PTCD3: variants seen among roughly 807,000 people sequenced by gnomAD.
PTCD3 encodes pentatricopeptide repeat domain 3, also known as small ribosomal subunit protein mS39.
PTCD3 carries 89 observed loss-of-function variants against 101.9 expected under a neutral mutation model. That is an observed-to-expected ratio of 0.87 (90% CI 0.74 to 1.04). PTCD3 has a LOEUF of 1.04. Among genes scored for constraint, PTCD3 ranks in the 50% least tolerant of loss-of-function variants. The probability of loss-of-function intolerance (pLI) is 0.00; values close to 1 mark genes in which losing one functional copy is unlikely to be tolerated. For missense variants in PTCD3, 870 were observed against 828.2 expected (o/e 1.05, Z -0.62); for synonymous variants, 296 against 278.5 (o/e 1.06, Z -0.63).
At chr2:86,110,078 C>T (rs773201256) in intron 3 of PTCD3, among the ~76,000 whole-genome samples, 8 of 152,094 alleles carry the variant, frequency 5.3e-5, no homozygotes, top group Admixed American at 2.0e-4. Flanking sequence ...TTTAAAGTAA[C>T]CCTTTAAAGA....
intron 13 of PTCD3, 95 bp downstream of exon 13, chr2:86,127,400 C>T: frequency 5.1e-6 from 7 of 1,381,216 alleles, no homozygotes; most frequent in South Asian, 1.4e-5. Flanking sequence ...TATTCTTGTG[C>T]TTACATAATA....
At position 86,121,384 on chromosome 2, in the gene PTCD3, C is replaced by A. The variant is rs888552611; in HGVS notation, c.539-95C>A. 18 of 716,972 alleles carry A rather than the reference C, an allele frequency of 2.5e-5. No individual in the cohort carries two copies. In the South Asian group the frequency reaches 3.5e-4, roughly 14 times the overall value. The allele number at this position is 716,972 out of a possible 1,614,324, so 44.4% of individuals were successfully genotyped here. A position where few individuals can be genotyped will look rare whatever the true frequency, so the allele number is the denominator to read the frequency against. On this transcript the variant is annotated intron_variant, in intron 7 of 23. Transcript: ENST00000254630. Reference sequence around the variant, plus strand: ...ACATTAAGTGTGTAGCCCTGAAGACCACCGCTAATATAAAAAAATGACACA... The same window carrying A: ...ACATTAAGTGTGTAGCCCTGAAGACAACCGCTAATATAAAAAAATGACACA...
At chr2:86,135,093 T>A in intron 21 of PTCD3, 106 bp downstream of exon 21, 1 of 1,323,078 alleles carries the variant, frequency 7.6e-7, no homozygotes, top group Middle Eastern at 2.1e-4. Context: ...TAACACGTAT[T>A]TGATTCGGGA....
In PTCD3 at chr2:86,111,485, G is replaced by GCT. The variant is rs1674083131; in HGVS notation, c.240+327_240+328insCT. 2.0e-5 allele frequency among the ~76,000 whole-genome samples: 3 copies of GCT among 151,966 alleles called. No homozygotes were observed. In the South Asian group the frequency reaches 6.2e-4, roughly 31 times the overall value. On this transcript the variant is annotated intron_variant, in intron 4 of 23. Coordinates refer to ENST00000254630, the MANE Select transcript of PTCD3 (RefSeq NM_017952.6). ...CACCTGTAATCCCAGCTACTTGGGA[G>GCT]GCTGAGGCAGGAGAATGGCGTGAAC...
rs781080943 is a variant in PTCD3, at chr2:86,130,674, A to G, written c.1174A>G (p.Ile392Val). The G allele has an allele frequency of 2.5e-6, 4 of 1,613,368 alleles. No individual in the cohort carries two copies. In the Admixed American group the frequency reaches 6.7e-5, roughly 27 times the overall value. Reference protein sequence around the residue: ...PGDPLKRSSFIIYDIMNELMG... With the variant: ...PGDPLKRSSFVIYDIMNELMG... ...AGACCCTTTAAAGAGATCATCCTTC[A>G]TCATTTATGATATAATGAATGAATT... Residue 392 changes from isoleucine to valine, a missense_variant, in exon 15 of 24, where the codon ATC becomes GTC. Physicochemically the swap from Ile to Val is conservative, Grantham distance 29 (BLOSUM62 3). Transcript: ENST00000254630.
At position 86,127,083 on chromosome 2, in the gene PTCD3, C is replaced by A. The variant is rs145785853; in HGVS notation, c.952-78C>A. ...TAAACATAAGCAAGAAAGCTAAATTCTTTACTTTGTATGAAACATAGATTA... is the reference window on the plus strand; with the variant it reads ...TAAACATAAGCAAGAAAGCTAAATTATTTACTTTGTATGAAACATAGATTA... On this transcript the variant is annotated intron_variant, in intron 12 of 23. Transcript: ENST00000254630. The A allele has an allele frequency of 2.0e-5, 26 of 1,316,760 alleles. No individual in the cohort carries two copies. The East Asian group carries it at 4.3e-4, about 22-fold the overall frequency. 81.6% of individuals were successfully genotyped at this position (1,316,760 alleles called of 1,614,324 possible).
intron 7 of PTCD3, among the ~76,000 whole-genome samples, chr2:86,120,926 TAGC>T (rs1418652455): frequency 6.6e-6 from 1 of 152,198 alleles, no homozygotes; most frequent in Non-Finnish European, 1.5e-5. Flanking sequence ...TCTTATAAGA[TAGC>T]AGATTATATC....
At position 86,138,594 on chromosome 2, in the gene PTCD3, C is replaced by A. The variant is rs1481070139; in HGVS notation, c.*1035C>A. On this transcript the variant is annotated 3_prime_UTR_variant, in exon 24 of 24. Coordinates refer to ENST00000254630, the MANE Select transcript of PTCD3 (RefSeq NM_017952.6). Reference sequence around the variant, plus strand: ...GTCTGCCATCCTCTGAAGGCCGGGACCCAGTCATACATCCTTAGAAACCAA... The same window carrying A: ...GTCTGCCATCCTCTGAAGGCCGGGAACCAGTCATACATCCTTAGAAACCAA... The A allele has an allele frequency of 1.3e-5, 2 of 152,020 alleles. No individual in the cohort carries two copies. Among genetic ancestry groups the A allele is most frequent in the African/African-American group, 4.8e-5 (2 of 41,368 alleles). 9.4% of individuals were successfully genotyped at this position (152,020 alleles called of 1,614,324 possible). A position where few individuals can be genotyped will look rare whatever the true frequency, so the allele number is the denominator to read the frequency against.
At position 86,138,830 on chromosome 2, in the gene PTCD3, TC is replaced by T. The variant is rs1674639366; in HGVS notation, c.*1272del. 1 of 152,260 alleles carries T rather than the reference TC, an allele frequency of 6.6e-6. No individual in the cohort carries two copies. The highest frequency in any genetic ancestry group is 2.4e-5 in the African/African-American group (1 of 41,458). 9.4% of individuals were successfully genotyped at this position (152,260 alleles called of 1,614,324 possible). ...AGCCTTGGCCACCTGAAATGTTAAC[TC>T]GGTCCCTTCCTGTCTCTAGTTCATC... On this transcript the variant is annotated 3_prime_UTR_variant, in exon 24 of 24. Transcript: ENST00000254630.
At chr2:86,118,436 C>G (rs1422644608) in intron 6 of PTCD3, among the ~76,000 whole-genome samples, 1 of 152,204 alleles carries the variant, frequency 6.6e-6, no homozygotes, top group East Asian at 1.9e-4. Flanking sequence ...CCAAAGCTCA[C>G]AGGGAAACAC....
At chr2:86,134,187 A>G in intron 19 of PTCD3, 105 bp from the exon 20 acceptor site, 3 of 802,212 alleles carry the variant, frequency 3.7e-6, no homozygotes, top group South Asian at 3.5e-5. Flanking sequence ...CCTAGAATAA[A>G]TAACAGCAAC....
Position 86,121,484 on chromosome 2 carries a change from A to C in PTCD3, c.544A>C (p.Thr182Pro), listed in dbSNP as rs956600013. 6 of 1,594,966 alleles carry C rather than the reference A, an allele frequency of 3.8e-6. No homozygotes were observed. The highest frequency in any genetic ancestry group is 5.1e-6 in the Non-Finnish European group (6 of 1,169,820). The change falls in exon 8 of 24, where the codon ACT (threonine) becomes CCT (proline). Residue 182 changes from threonine to proline, a missense_variant. Physicochemically the swap from Thr to Pro is conservative, Grantham distance 38. Transcript: ENST00000254630. ...TTTCTGTCTCTTACCCACAGGAACC[A>C]CTGTGTCTCTTGAAACAACAAATAG... The part of the protein sequence containing the change: ...MFDQLLQAGT[T>P]VSLETTNSLL...
At chr2:86,122,809 G>A (rs1201556610) in intron 8 of PTCD3, among the ~76,000 whole-genome samples, 2 of 152,190 alleles carry the variant, frequency 1.3e-5, no homozygotes, top group African/African-American at 4.8e-5. Context: ...ACTTCCTGAA[G>A]CCCTGCTCTG....
At chr2:86,126,348 G>A (rs775891414) in intron 12 of PTCD3, among the ~76,000 whole-genome samples, 6 of 152,054 alleles carry the variant, frequency 3.9e-5, no homozygotes, top group Non-Finnish European at 8.8e-5. Context: ...GCAGCCCTGG[G>A]ACTCAGCTGT....
Position 86,138,605 on chromosome 2 carries a change from A to G in PTCD3, c.*1046A>G, listed in dbSNP as rs1037306456. 1 of 151,628 alleles carries G rather than the reference A, an allele frequency of 6.6e-6. No individual in the cohort carries two copies. The highest frequency in any genetic ancestry group is 1.5e-5 in the Non-Finnish European group (1 of 67,984). 9.4% of individuals were successfully genotyped at this position (151,628 alleles called of 1,614,324 possible). A position where few individuals can be genotyped will look rare whatever the true frequency, so the allele number is the denominator to read the frequency against. On this transcript the variant is annotated 3_prime_UTR_variant, in exon 24 of 24. Coordinates refer to ENST00000254630, the MANE Select transcript of PTCD3 (RefSeq NM_017952.6). ...TCTGAAGGCCGGGACCCAGTCATAC[A>G]TCCTTAGAAACCAAAGTATGGTTTT...
In PTCD3 at chr2:86,134,354, G is replaced by A; in HGVS notation, c.1606G>A (p.Ala536Thr). 3 of 1,613,196 alleles carry A rather than the reference G, an allele frequency of 1.9e-6. No homozygotes were observed. Among genetic ancestry groups the A allele is most frequent in the Non-Finnish European group, 2.5e-6 (3 of 1,179,210 alleles). The stretch of plus-strand genomic sequence containing the variant: ...GAGAGAAGAGATCCTGATGCTCATG[G>A]CAAGGGACAAGCACCCACCAGAGGT... ...DLREEILMLM[A>T]RDKHPPELQV... The change falls in exon 20 of 24, where the codon GCA (alanine) becomes ACA (threonine). Residue 536 changes from alanine to threonine, a missense_variant. By Grantham distance (58) the Ala-to-Thr change is moderately conservative (BLOSUM62 0). Coordinates refer to ENST00000254630, the MANE Select transcript of PTCD3 (RefSeq NM_017952.6).
At position 86,140,650 on chromosome 2, in the gene PTCD3, G is replaced by T. The variant is rs1397712295; in HGVS notation, c.*3091G>T. On this transcript the variant is annotated 3_prime_UTR_variant, in exon 24 of 24. Transcript: ENST00000254630. ...TTAGATTCAACATTAATGGTAGAGTGGCATTTTACCAAAAAAATGGGTGTA... is the reference window on the plus strand; with the variant it reads ...TTAGATTCAACATTAATGGTAGAGTTGCATTTTACCAAAAAAATGGGTGTA... 6.6e-6 allele frequency: 1 copy of T among 152,052 alleles called. No homozygotes were observed. Among genetic ancestry groups the T allele is most frequent in the East Asian group, 1.9e-4 (1 of 5,198 alleles). 9.4% of individuals were successfully genotyped at this position (152,052 alleles called of 1,614,324 possible).
intron 14 of PTCD3, among the ~76,000 whole-genome samples, chr2:86,129,210 C>G (rs150768807): frequency 6.6e-6 from 1 of 152,170 alleles, no homozygotes; most frequent in Non-Finnish European, 1.5e-5. Context: ...ATTTCTGACT[C>G]CAAAGTATAT....
At chr2:86,118,809 G>A (rs1416525931) in intron 6 of PTCD3, 112 bp from the exon 7 acceptor site, 52 of 1,180,710 alleles carry the variant, frequency 4.4e-5, no homozygotes, top group Non-Finnish European at 6.0e-5. Context: ...AACATGAATT[G>A]GAGCAGTGAA....
Sources: allele counts gnomAD v4.1 joint callset (sites outside exome capture counted in the v4.1 genomes callset), GRCh38; gene constraint gnomAD v4.1.1; transcripts MANE v1.5; gene names NCBI Gene and HGNC (gene_info 2026-07-23, HGNC 2026-07-21).